The following NOL10 variants were observed in gnomAD, a reference collection of about 807,000 sequenced individuals.
NOL10 encodes H_NH0074G24.1.
NOL10 carries 58 observed loss-of-function variants against 103.5 expected under a neutral mutation model. That is an observed-to-expected ratio of 0.56 (90% CI 0.45 to 0.70). NOL10 has a LOEUF of 0.70. NOL10 is among the 30% of genes least tolerant of loss of function. The pLI, the probability that NOL10 is intolerant of heterozygous loss-of-function variation, is 0.00. For synonymous variants in NOL10, 287 were observed against 282.5 expected, an observed-to-expected ratio of 1.02 and a Z score of -0.16; for missense variants, 763 against 807.3, an observed-to-expected ratio of 0.95 and a Z score of 0.67.
At chr2:10,656,241 G>A (rs1465950318) in intron 11 of NOL10, among the ~76,000 whole-genome samples, 1 of 152,126 alleles carries the variant, frequency 6.6e-6, no homozygotes, top group Non-Finnish European at 1.5e-5. Flanking sequence ...ACATCAATTA[G>A]TTTGAATTGC....
chr2:10,685,259 G>A (rs1227476324), intron 1 of NOL10, among the ~76,000 whole-genome samples: 1 of 152,102 alleles, frequency 6.6e-6, no homozygotes, highest in African/African-American at 2.4e-5. Context: ...GGTGGCTCAC[G>A]CCTATAATCC....
chr2:10,668,720 A>T lies in NOL10; in HGVS notation c.468T>A (p.Ser156=). ...GTTCTAAGTTTAACCTATAAACTTC[A>T]GAACTGTAAAGTAATAAAGAAAGTT... is the stretch of plus-strand genomic sequence containing the variant. The part of the protein sequence containing the change: ...SCDLYFVGAS[S]EVYRLNLEQG... Residue 156 remains serine, a synonymous_variant, in exon 7 of 21, where the codon TCT becomes TCA. Transcript: ENST00000381685. The T allele has an allele frequency of 6.8e-7, 1 of 1,459,918 alleles. No homozygotes were observed. Among genetic ancestry groups the T allele is most frequent in the Non-Finnish European group, 9.3e-7 (1 of 1,072,068 alleles). The allele number at this position is 1,459,918 out of a possible 1,614,324, so 90.4% of individuals were successfully genotyped here. A position where few individuals can be genotyped will look rare whatever the true frequency, so the allele number is the denominator to read the frequency against.
intron 3 of NOL10, among the ~76,000 whole-genome samples, chr2:10,676,437 A>G (rs963638795): frequency 2.6e-5 from 4 of 152,252 alleles, no homozygotes; most frequent in Non-Finnish European, 5.9e-5. Context: ...AGTTGAATAA[A>G]TGACAATAAA....
chr2:10,603,792 T>A (rs937257564), intron 14 of NOL10, among the ~76,000 whole-genome samples: 2 of 152,186 alleles, frequency 1.3e-5, no homozygotes, highest in Non-Finnish European at 2.9e-5. Flanking sequence ...CACTTAGAAT[T>A]TGTGGTGCTG....
rs1680020503 is a variant in NOL10, at chr2:10,659,124, C to T, written c.756+48G>A. 3.2e-6 allele frequency: 4 copies of T among 1,255,222 alleles called. No individual in the cohort carries two copies. The Admixed American group carries it at 5.8e-5, about 18-fold the overall frequency. 77.8% of individuals were successfully genotyped at this position (1,255,222 alleles called of 1,614,324 possible). ...GTATTTCTCATGACACATACACACA[C>T]CACTGAAATACCAACTTACATGTGG... On this transcript the variant is annotated intron_variant, in intron 10 of 20. Transcript: ENST00000381685.
chr2:10,628,722 A>G (rs1227815387), intron 13 of NOL10, among the ~76,000 whole-genome samples: 5 of 152,156 alleles, frequency 3.3e-5, no homozygotes, highest in Non-Finnish European at 7.3e-5. Context: ...AAAAAATCCC[A>G]TGTCTTAAAT....
At chr2:10,666,741 C>T (rs1200944759) in intron 8 of NOL10, among the ~76,000 whole-genome samples, 1 of 150,040 alleles carries the variant, frequency 6.7e-6, no homozygotes, top group Non-Finnish European at 1.5e-5. Flanking sequence ...CAGTAGAATA[C>T]AATTTCAGTT....
At chr2:10,601,796 G>A (rs975557747) in intron 16 of NOL10, among the ~76,000 whole-genome samples, 4 of 152,174 alleles carry the variant, frequency 2.6e-5, no homozygotes, top group South Asian at 4.1e-4. Flanking sequence ...GGGCAACAAA[G>A]CAAGATCCTG....
rs199868537 is a variant in NOL10 at position 10,659,249 on chromosome 2, T to C, written c.679A>G (p.Ile227Val). The part of the protein sequence containing the change: ...ALNSVTADSE[I>V]NSLPTISALK... ...GCAGAGATTGTTGGTAAACTGTTTA[T>C]CCTGAAAAGCAAAATATTCATGCTT... The change falls in exon 10 of 21, where the codon ATA becomes GTA. Residue 227 changes from isoleucine to valine, a missense_variant and splice_region_variant. Transcript: ENST00000381685. 7.7e-6 allele frequency: 12 copies of C among 1,568,470 alleles called. No individual in the cohort carries two copies. The Admixed American group carries it at 1.6e-4, about 21-fold the overall frequency.
Position 10,684,558 on chromosome 2 carries a change from A to G in NOL10, c.112+9T>C. ...TAACGCAGCTGAAGTGGGAAAAAACAATACTCACCTACATCTTTCTTCTGT... is the reference window on the plus strand; with the variant it reads ...TAACGCAGCTGAAGTGGGAAAAAACGATACTCACCTACATCTTTCTTCTGT... On this transcript the variant is annotated intron_variant, in intron 2 of 20. Transcript: ENST00000381685. 6.4e-7 allele frequency: 1 copy of G among 1,571,336 alleles called. No homozygotes were observed. Among genetic ancestry groups the G allele is most frequent in the African/African-American group, 1.3e-5 (1 of 74,194 alleles).
At chr2:10,595,369 G>A (rs1006121737) in intron 17 of NOL10, among the ~76,000 whole-genome samples, 1 of 152,032 alleles carries the variant, frequency 6.6e-6, no homozygotes, top group Non-Finnish European at 1.5e-5. Context: ...GGGCTGGAGT[G>A]CAGTGGCACA....
At chr2:10,586,954 A>C (rs1194087655) in intron 19 of NOL10, among the ~76,000 whole-genome samples, 1 of 135,238 alleles carries the variant, frequency 7.4e-6, no homozygotes, top group African/African-American at 3.1e-5. Context: ...AAGAAGGTTT[A>C]AAAAAAAAAT....
At chr2:10,630,238 TCAAGAAA>T (rs1200466221) in intron 13 of NOL10, among the ~76,000 whole-genome samples, 2 of 152,220 alleles carry the variant, frequency 1.3e-5, no homozygotes, top group African/African-American at 4.8e-5. Context: ...CTTTTGTTGC[TCAAGAAA>T]CTAGTGTTCG....
At chr2:10,573,231 G>C (rs1300454615) in intron 20 of NOL10, among the ~76,000 whole-genome samples, 4 of 152,022 alleles carry the variant, frequency 2.6e-5, no homozygotes, top group African/African-American at 9.7e-5. Context: ...GTCTTGCTCT[G>C]TTGCCAGGCT....
chr2:10,636,773 T>C (rs1678258143), intron 13 of NOL10, among the ~76,000 whole-genome samples: 1 of 152,084 alleles, frequency 6.6e-6, no homozygotes, highest in Non-Finnish European at 1.5e-5. Flanking sequence ...TAGCGATGAT[T>C]AAAAAGTATC....
intron 9 of NOL10, among the ~76,000 whole-genome samples, 154 bp from the exon 10 acceptor site, chr2:10,659,404 A>G (rs148978367): frequency 6.6e-6 from 1 of 150,880 alleles, no homozygotes; most frequent in African/African-American, 2.4e-5. Context: ...CAGCCTGGTA[A>G]GATGACTCGC....
intron 19 of NOL10, among the ~76,000 whole-genome samples, chr2:10,585,632 G>C (rs1292156051): frequency 5.3e-5 from 8 of 152,118 alleles, no homozygotes; most frequent in Admixed American, 5.2e-4. Context: ...GTTGTCCCTT[G>C]GTATCCGCTG....
intron 19 of NOL10, among the ~76,000 whole-genome samples, chr2:10,579,029 T>G (rs1410853516): frequency 6.6e-6 from 1 of 152,200 alleles, no homozygotes; most frequent in Non-Finnish European, 1.5e-5. Context: ...AATATGATCT[T>G]TGTAACTAAT....
intron 6 of NOL10, 23 bp downstream of exon 6, chr2:10,671,531 G>T (rs984530051): frequency 2.6e-6 from 4 of 1,534,246 alleles, no homozygotes; most frequent in African/African-American, 2.8e-5. Context: ...GTGAAAAGGA[G>T]AAAAAGGGAC....
Sources: gnomAD v4.1 joint callset for allele counts (sites outside exome capture counted in the v4.1 genomes callset) on GRCh38, gnomAD v4.1.1 for gene constraint, MANE v1.5 for transcripts, NCBI Gene and HGNC (gene_info 2026-07-23, HGNC 2026-07-21) for gene names.